DARS1: variants seen among roughly 807,000 people sequenced by gnomAD.
DARS1 encodes aspartate--tRNA ligase, cytoplasmic.
In DARS1, 51 loss-of-function variants were observed where a neutral mutation model predicts 68.8. The observed-to-expected ratio is 0.74, with a 90% CI of 0.59 to 0.94. The LOEUF is 0.94. DARS1 is among the 40% of genes least tolerant of loss of function. The pLI, the probability that DARS1 is intolerant of heterozygous loss-of-function variation, is 0.00. For missense variants in DARS1, 607 were observed against 597.3 expected (o/e 1.02, Z -0.17); for synonymous variants, 203 against 190.4 (o/e 1.07, Z -0.55).
At chr2:135,985,677 A>T (rs539774749), upstream of DARS1, 356 of 1,298,580 alleles carry the variant, frequency 2.7e-4, 1 homozygote, top group African/African-American at 4.8e-3. Context: ...GGCCGCGCGC[A>T]GGGTCTCCTC....
At chr2:135,962,416 T>G (rs1682121455) in intron 3 of DARS1, among the ~76,000 whole-genome samples, 2 of 152,234 alleles carry the variant, frequency 1.3e-5, no homozygotes, top group South Asian at 4.1e-4. Flanking sequence ...GATTGTTTTG[T>G]AAAACATCAC....
intron 12 of DARS1, among the ~76,000 whole-genome samples, chr2:135,913,028 C>T (rs1003996506): frequency 1.1e-4 from 17 of 151,414 alleles, no homozygotes; most frequent in African/African-American, 3.9e-4. Context: ...GCCAGGCCTA[C>T]GGTTTAAATA....
At chr2:135,936,081 C>G (rs1681466836) in intron 5 of DARS1, among the ~76,000 whole-genome samples, 2 of 152,114 alleles carry the variant, frequency 1.3e-5, no homozygotes, top group Non-Finnish European at 2.9e-5. Flanking sequence ...TTTACTAGAC[C>G]ATGAGTACTC....
chr2:135,982,215 TATAGA>T (rs564460065), intron 2 of DARS1, among the ~76,000 whole-genome samples: 56 of 152,188 alleles, frequency 3.7e-4, no homozygotes, highest in Non-Finnish European at 5.6e-4. Flanking sequence ...AAATTACATA[TATAGA>T]ATAGAAGTAA....
At chr2:135,910,462 G>T (rs927368236) in intron 15 of DARS1, among the ~76,000 whole-genome samples, 11 of 151,982 alleles carry the variant, frequency 7.2e-5, no homozygotes, top group African/African-American at 2.7e-4. Context: ...TTATATGTAG[G>T]TTTTACATTT....
Position 135,924,690 on chromosome 2 carries a change from T to C in DARS1, c.565-192A>G, listed in dbSNP as rs562296831. Among the ~76,000 whole-genome samples the C allele has an allele frequency of 2.0e-5, 3 of 152,354 alleles. No homozygotes were observed. In the East Asian group the frequency reaches 5.8e-4, roughly 29 times the overall value. On this transcript the variant is annotated intron_variant, in intron 7 of 15. Transcript: ENST00000264161. ...CATGCTGGAATACAATGACTATATA[T>C]GATCATATAAAGGAATTTCACCGGA...
At chr2:135,985,267 G>A in intron 1 of DARS1, 136 bp downstream of exon 1, 1 of 1,392,268 alleles carries the variant, frequency 7.2e-7, no homozygotes, top group Non-Finnish European at 9.5e-7. Context: ...GGCTCTAGGC[G>A]CCCGGACCCC....
At chr2:135,963,225 G>T (rs1682139161) in intron 3 of DARS1, among the ~76,000 whole-genome samples, 1 of 152,202 alleles carries the variant, frequency 6.6e-6, no homozygotes. Flanking sequence ...GAAGGGGCCT[G>T]TGGGAAAATT....
chr2:135,911,610 T>C (rs1680898340), intron 13 of DARS1, 117 bp from the exon 14 acceptor site: 2 of 639,510 alleles, frequency 3.1e-6, no homozygotes, highest in Non-Finnish European at 2.8e-6. Flanking sequence ...CAATTAACAA[T>C]GCAATCTTGT....
intron 3 of DARS1, among the ~76,000 whole-genome samples, chr2:135,974,390 C>T (rs944666380): frequency 2.0e-5 from 3 of 152,160 alleles, no homozygotes; most frequent in Non-Finnish European, 4.4e-5. Flanking sequence ...TATTTTATTA[C>T]ACAGAAAATT....
chr2:135,907,019 A>G lies in DARS1; in HGVS notation c.*297T>C, dbSNP rs1680795648. 5.2e-6 allele frequency: 1 copy of G among 190,536 alleles called. No individual in the cohort carries two copies. The highest frequency in any genetic ancestry group is 2.4e-5 in the African/African-American group (1 of 42,442). The allele number at this position is 190,536 out of a possible 1,614,324, so 11.8% of individuals were successfully genotyped here. A position where few individuals can be genotyped will look rare whatever the true frequency, so the allele number is the denominator to read the frequency against. Reference sequence around the variant, plus strand: ...AAAACTCTTAACGTTTACTGTAGTAACAGAATATGAATTTGTAACATAACC... The same window carrying G: ...AAAACTCTTAACGTTTACTGTAGTAGCAGAATATGAATTTGTAACATAACC... On this transcript the variant is annotated 3_prime_UTR_variant, in exon 16 of 16. Coordinates refer to ENST00000264161, the MANE Select transcript of DARS1 (RefSeq NM_001349.4).
intron 4 of DARS1, among the ~76,000 whole-genome samples, chr2:135,956,773 AT>A (rs914496420): frequency 1.3e-5 from 2 of 151,698 alleles, no homozygotes; most frequent in African/African-American, 2.4e-5. Flanking sequence ...TTATTTATTT[AT>A]TTTTTTTGAG....
intron 8 of DARS1, 42 bp downstream of exon 8, chr2:135,924,345 A>G: frequency 2.0e-6 from 3 of 1,534,236 alleles, no homozygotes; most frequent in Non-Finnish European, 2.6e-6. Context: ...TGGGGAGAGC[A>G]AATTTATTTT....
chr2:135,954,343 AAAG>A (rs1247620585), intron 4 of DARS1, among the ~76,000 whole-genome samples: 1 of 151,470 alleles, frequency 6.6e-6, no homozygotes, highest in East Asian at 1.9e-4. Context: ...AAAAAAAAAA[AAAG>A]AGAGAGAGAA....
chr2:135,919,560 A>G (rs1681072531), intron 10 of DARS1, among the ~76,000 whole-genome samples: 1 of 152,200 alleles, frequency 6.6e-6, no homozygotes, highest in Non-Finnish European at 1.5e-5. Context: ...ACAAATACAG[A>G]AAGAGGGAAA....
At chr2:135,917,951 G>T (rs1481417718) in intron 10 of DARS1, among the ~76,000 whole-genome samples, 1 of 151,198 alleles carries the variant, frequency 6.6e-6, no homozygotes, top group Admixed American at 6.6e-5. Flanking sequence ...ACGGAGTCTT[G>T]CTCTGTTGCC....
intron 5 of DARS1, among the ~76,000 whole-genome samples, chr2:135,934,382 G>A (rs1681419856): frequency 6.6e-6 from 1 of 152,130 alleles, no homozygotes; most frequent in African/African-American, 2.4e-5. Flanking sequence ...AGCACTTAGG[G>A]AGGCTGTGGT....
intron 15 of DARS1, among the ~76,000 whole-genome samples, chr2:135,909,970 T>C (rs1680863085): frequency 6.6e-6 from 1 of 152,150 alleles, no homozygotes; most frequent in South Asian, 2.1e-4. Context: ...GCAAATATGA[T>C]AACAAATGAA....
At chr2:135,961,590 C>A in intron 3 of DARS1, 92 bp from the exon 4 acceptor site, 1 of 772,020 alleles carries the variant, frequency 1.3e-6, no homozygotes, top group Non-Finnish European at 2.3e-6. Context: ...AAAAGTGGGC[C>A]AAAATTTACT....
Sources: gnomAD v4.1 joint callset for allele counts (sites outside exome capture counted in the v4.1 genomes callset) on GRCh38, gnomAD v4.1.1 for gene constraint, MANE v1.5 for transcripts, NCBI Gene and HGNC (gene_info 2026-07-23, HGNC 2026-07-21) for gene names.